The following CLVS1 variants were observed in gnomAD, a reference collection of about 807,000 sequenced individuals.
CLVS1 encodes clavesin 1.
A neutral mutation model predicts 33.1 loss-of-function variants in CLVS1; 10 were observed. That is an observed-to-expected ratio of 0.30 (90% CI 0.19 to 0.51). The LOEUF (loss-of-function observed/expected upper bound fraction) is 0.51. Among genes scored for constraint, CLVS1 ranks in the 20% least tolerant of loss-of-function variants. The pLI, the probability that CLVS1 is intolerant of heterozygous loss-of-function variation, is 0.97. For missense variants in CLVS1, 343 were observed against 433.4 expected (o/e 0.79, Z 1.85); for synonymous variants, 163 against 166.1 (o/e 0.98, Z 0.14).
At chr8:61,446,063 A>T (rs974096281) in intron 3 of CLVS1, among the ~76,000 whole-genome samples, 2 of 151,980 alleles carry the variant, frequency 1.3e-5, no homozygotes, top group African/African-American at 4.8e-5. Flanking sequence ...CCCTTGTCAA[A>T]CTTGCTAATA....
chr8:61,384,491 G>A (rs1268917112), intron 3 of CLVS1, among the ~76,000 whole-genome samples: 1 of 152,214 alleles, frequency 6.6e-6, no homozygotes, highest in East Asian at 1.9e-4. Context: ...GGCAATGGTT[G>A]AGGGTTGGCT....
At chr8:61,481,995 G>A (rs956088782) in intron 5 of CLVS1, among the ~76,000 whole-genome samples, 2 of 152,096 alleles carry the variant, frequency 1.3e-5, no homozygotes, top group South Asian at 2.1e-4. Context: ...CCTCTGAGAC[G>A]AAGCTTCCAG....
upstream of CLVS1, among the ~76,000 whole-genome samples, chr8:61,053,592 T>C (rs900365202): frequency 1.3e-5 from 2 of 152,206 alleles, no homozygotes; most frequent in African/African-American, 4.8e-5. Flanking sequence ...GCAACAGAGA[T>C]GAGCATGTGG....
At chr8:61,418,581 T>C (rs1035932666) in intron 3 of CLVS1, among the ~76,000 whole-genome samples, 13 of 152,232 alleles carry the variant, frequency 8.5e-5, no homozygotes, top group Admixed American at 2.0e-4. Context: ...TGGAATTTCA[T>C]TTTTACCAAA....
chr8:61,310,016 T>C (rs1222017318), intron 2 of CLVS1, among the ~76,000 whole-genome samples: 1 of 152,130 alleles, frequency 6.6e-6, no homozygotes, highest in Non-Finnish European at 1.5e-5. Flanking sequence ...TTCTAATGTA[T>C]CCATGGTGAA....
the CLVS1 span, among the ~76,000 whole-genome samples, chr8:61,051,176 A>G: frequency 6.6e-6 from 1 of 152,236 alleles, no homozygotes; most frequent in African/African-American, 2.4e-5. Context: ...GTGATGAGCC[A>G]ACTCTGAAAT....
chr8:61,030,190 G>A, the CLVS1 span, among the ~76,000 whole-genome samples: 1 of 152,108 alleles, frequency 6.6e-6, no homozygotes, highest in South Asian at 2.1e-4. Context: ...ATAGAAGTAG[G>A]AAGAGGGCTT....
intron 3 of CLVS1, among the ~76,000 whole-genome samples, chr8:61,406,181 C>G (rs1814977750): frequency 6.6e-6 from 1 of 152,190 alleles, no homozygotes; most frequent in African/African-American, 2.4e-5. Context: ...TAACTCATTG[C>G]TCAATTGTGT....
intron 2 of CLVS1, among the ~76,000 whole-genome samples, chr8:61,347,202 A>C (rs931100944): frequency 1.3e-5 from 2 of 152,294 alleles, no homozygotes; most frequent in Admixed American, 1.3e-4. Flanking sequence ...CTTTCAGCCA[A>C]GGAGCATCTC....
chr8:61,135,906 C>T (rs187232857), intron 2 of CLVS1, among the ~76,000 whole-genome samples: 6 of 152,328 alleles, frequency 3.9e-5, no homozygotes, highest in East Asian at 3.9e-4. Context: ...GAGGGCTCCC[C>T]GCTGGGCCTG....
chr8:61,089,526 G>T (rs926806990), intron 1 of CLVS1, among the ~76,000 whole-genome samples: 1 of 152,124 alleles, frequency 6.6e-6, no homozygotes, highest in Non-Finnish European at 1.5e-5. Flanking sequence ...GTGAAATGAT[G>T]GTTTGATTAC....
intron 3 of CLVS1, among the ~76,000 whole-genome samples, chr8:61,449,708 A>T (rs1346098312): frequency 6.6e-6 from 1 of 152,140 alleles, no homozygotes; most frequent in East Asian, 1.9e-4. Context: ...TGGTTTTTCC[A>T]GGTACTGCCT....
chr8:61,469,596 T>G (rs958364131), intron 5 of CLVS1, among the ~76,000 whole-genome samples: 1 of 152,224 alleles, frequency 6.6e-6, no homozygotes, highest in Non-Finnish European at 1.5e-5. Flanking sequence ...TTGAGCATGT[T>G]GTCCTCTTTT....
At chr8:60,991,641 G>C in the CLVS1 span, among the ~76,000 whole-genome samples, 2 of 151,836 alleles carry the variant, frequency 1.3e-5, no homozygotes, top group Non-Finnish European at 2.9e-5. Context: ...GCTGGACTCT[G>C]AGACTCTGAG....
chr8:61,262,010 G>A (rs994825069), intron 2 of CLVS1, among the ~76,000 whole-genome samples: 12 of 146,476 alleles, frequency 8.2e-5, no homozygotes, highest in Non-Finnish European at 1.5e-4. Flanking sequence ...GTGTGTGTGT[G>A]TGTGTGTGTG....
At chr8:61,285,834 C>G (rs1809765685), upstream of CLVS1, among the ~76,000 whole-genome samples, 1 of 152,034 alleles carries the variant, frequency 6.6e-6, no homozygotes, top group Admixed American at 6.6e-5. Context: ...AAGGGTGAAA[C>G]AGCACATTGT....
At chr8:61,080,920 T>C (rs1805008484) in intron 1 of CLVS1, among the ~76,000 whole-genome samples, 1 of 152,140 alleles carries the variant, frequency 6.6e-6, no homozygotes, top group Non-Finnish European at 1.5e-5. Flanking sequence ...GTTTGAAGAA[T>C]AGATAAGAAT....
At chr8:61,451,441 G>A (rs1389424294) in intron 3 of CLVS1, among the ~76,000 whole-genome samples, 2 of 152,138 alleles carry the variant, frequency 1.3e-5, no homozygotes, top group South Asian at 2.1e-4. Flanking sequence ...TTAAAATGAT[G>A]TTATATTTTA....
At chr8:61,358,658 C>G (rs1812847262) in intron 2 of CLVS1, among the ~76,000 whole-genome samples, 1 of 152,108 alleles carries the variant, frequency 6.6e-6, no homozygotes, top group Admixed American at 6.6e-5. Context: ...GATTGAGAAC[C>G]CATCTTCACT....
Sources: allele counts gnomAD v4.1 joint callset (sites outside exome capture counted in the v4.1 genomes callset), GRCh38; gene constraint gnomAD v4.1.1; transcripts MANE v1.5; gene names NCBI Gene and HGNC (gene_info 2026-07-23, HGNC 2026-07-21).